APH1B: variants seen among roughly 807,000 people sequenced by gnomAD.
APH1B encodes the protein gamma-secretase subunit APH-1B.
A neutral mutation model predicts 28.2 loss-of-function variants in APH1B; 27 were observed. The ratio of observed to expected loss-of-function variants is 0.96; its 90% CI spans 0.70 to 1.32. The LOEUF (loss-of-function observed/expected upper bound fraction) is 1.32. Ranked by LOEUF, APH1B falls within the 40% of genes most tolerant of loss-of-function variation. The pLI, the probability that APH1B is intolerant of heterozygous loss-of-function variation, is 0.00. For missense variants in APH1B, 305 were observed against 313.6 expected, an observed-to-expected ratio of 0.97 and a Z score of 0.21; for synonymous variants, 141 against 124.6, an observed-to-expected ratio of 1.13 and a Z score of -0.88.
At chr15:63,295,859 A>T (rs1178197220) in intron 4 of APH1B, among the ~76,000 whole-genome samples, 2 of 152,246 alleles carry the variant, frequency 1.3e-5, no homozygotes, top group Non-Finnish European at 2.9e-5. Flanking sequence ...ATTTTGGACC[A>T]TGTGGGTTAT....
rs1231700695 is a variant in APH1B at position 63,307,067 on chromosome 15, T to C, written c.*1286T>C. The stretch of plus-strand genomic sequence containing the variant: ...TCCCAGTTGATGTCTTTTGGGGAGC[T>C]GGTGGCATGAAATGCAAATGACCTA... On this transcript the variant is annotated 3_prime_UTR_variant, in exon 6 of 6. Coordinates refer to ENST00000261879, the MANE Select transcript of APH1B (RefSeq NM_031301.4). 6.6e-6 allele frequency: 1 copy of C among 152,182 alleles called. No homozygotes were observed. Among genetic ancestry groups the C allele is most frequent in the Non-Finnish European group, 1.5e-5 (1 of 68,038 alleles). The allele number at this position is 152,182 out of a possible 1,614,324, so 9.4% of individuals were successfully genotyped here. A position where few individuals can be genotyped will look rare whatever the true frequency, so the allele number is the denominator to read the frequency against.
rs531658577 is a variant in APH1B at position 63,287,273 on chromosome 15, G to C, written c.356-151G>C. 1.5e-3 allele frequency: 1,461 copies of C among 978,318 alleles called. 1 individual carries two copies. The highest frequency in any genetic ancestry group is 2.0e-3 in the Non-Finnish European group (1,375 of 673,326). The allele number at this position is 978,318 out of a possible 1,614,324, so 60.6% of individuals were successfully genotyped here. On this transcript the variant is annotated intron_variant, in intron 3 of 5. Coordinates refer to ENST00000261879, the MANE Select transcript of APH1B (RefSeq NM_031301.4). Reference sequence around the variant, plus strand: ...CCTCTCTGATTCATCATTTAGCCAAGCACATGCCTCTCCAGAGCCAGCTGT... The same window carrying C: ...CCTCTCTGATTCATCATTTAGCCAACCACATGCCTCTCCAGAGCCAGCTGT...
chr15:63,279,278 T>C lies in APH1B; in HGVS notation c.231T>C (p.Phe77=). The C allele has an allele frequency of 1.9e-6, 3 of 1,612,452 alleles. No homozygotes were observed. The highest frequency in any genetic ancestry group is 2.5e-6 in the Non-Finnish European group (3 of 1,178,748). The change falls in exon 2 of 6, where the codon TTT becomes TTC. Residue 77 remains phenylalanine (F), a synonymous_variant. Coordinates refer to ENST00000261879, the MANE Select transcript of APH1B (RefSeq NM_031301.4). ...AATATCTGCTGATCTTTGGAGCGTT[T>C]GTCTCTGTCTATATCCAAGAAATGT... ...TQKYLLIFGA[F]VSVYIQEMFR...
At chr15:63,281,172 C>G (rs1430699445) in intron 2 of APH1B, among the ~76,000 whole-genome samples, 1 of 151,970 alleles carries the variant, frequency 6.6e-6, no homozygotes, top group Non-Finnish European at 1.5e-5. Context: ...AAACTCCCTT[C>G]TGACCGCTGC....
At position 63,305,658 on chromosome 15, in the gene APH1B, T is replaced by A. The variant is rs1047552; in HGVS notation, c.651T>A (p.Phe217Leu). Residue 217 changes from phenylalanine (F) to leucine (L), a missense_variant, in exon 6 of 6, where the codon TTT becomes TTA. By Grantham distance (22) the Phe-to-Leu change is conservative (BLOSUM62 0). Transcript: ENST00000261879. ...SYYGINLASAFIILVLMGTWA... is the reference protein window; with the variant it reads ...SYYGINLASALIILVLMGTWA... ...ATGGAATAAACCTGGCGTCAGCATT[T>A]ATAATCCTGGTGCTCATGGGCACCT... 6.2e-6 allele frequency: 10 copies of A among 1,614,190 alleles called. No homozygotes were observed. In the East Asian group the frequency reaches 2.2e-4, roughly 36 times the overall value.
At position 63,304,618 on chromosome 15, in the gene APH1B, C is replaced by G. The variant is rs2038667305; in HGVS notation, c.607-996C>G. Among the ~76,000 whole-genome samples the G allele has an allele frequency of 6.6e-6, 1 of 152,040 alleles. No homozygotes were observed. The highest frequency in any genetic ancestry group is 2.4e-5 in the African/African-American group (1 of 41,408). On this transcript the variant is annotated intron_variant, in intron 5 of 5. Coordinates refer to ENST00000261879, the MANE Select transcript of APH1B (RefSeq NM_031301.4). The surrounding 1 kb of genome is among the most constrained non-coding windows in gnomAD (Gnocchi z 5.1). ...ATCAGTTTTTCTCTTTATGGTTTCA[C>G]TTTTTGAGCTTTTTAATAAATATTA...
At chr15:63,284,353 A>G (rs997774268) in intron 2 of APH1B, among the ~76,000 whole-genome samples, 1 of 151,762 alleles carries the variant, frequency 6.6e-6, no homozygotes, top group Admixed American at 6.6e-5. Flanking sequence ...AGCTGGGACT[A>G]TGGGCACACA....
intron 4 of APH1B, chr15:63,291,611 A>G (rs2038507639): frequency 6.6e-6 from 1 of 152,232 alleles, no homozygotes; most frequent in African/African-American, 2.4e-5. Flanking sequence ...ATATGACTGA[A>G]GAAAGAAAAA....
At chr15:63,293,069 C>G (rs1431309227) in intron 4 of APH1B, among the ~76,000 whole-genome samples, 1 of 152,224 alleles carries the variant, frequency 6.6e-6, no homozygotes, top group Non-Finnish European at 1.5e-5. Context: ...TCTCCATTCT[C>G]TATAGACCTT....
rs756180511 is a variant in APH1B, at chr15:63,277,714, C to A, written c.91C>A (p.Arg31Ser). The A allele has an allele frequency of 6.2e-7, 1 of 1,611,024 alleles. No homozygotes were observed. Among genetic ancestry groups the A allele is most frequent in the African/African-American group, 1.3e-5 (1 of 74,580 alleles). Residue 31 changes from arginine (R) to serine (S), a missense_variant, in exon 1 of 6, where the codon CGT (arginine) becomes AGT (serine). By Grantham distance (110) the Arg-to-Ser change is moderately radical. Coordinates refer to ENST00000261879, the MANE Select transcript of APH1B (RefSeq NM_031301.4). Reference protein sequence around the residue: ...YVFTIATEPLRIIFLIAGAFF... With the variant: ...YVFTIATEPLSIIFLIAGAFF... ...CTTCACCATCGCCACCGAGCCGTTG[C>A]GTATCATCTTCCTCATCGCCGGGTG...
At chr15:63,283,979 T>G (rs1173322937) in intron 2 of APH1B, among the ~76,000 whole-genome samples, 3 of 152,212 alleles carry the variant, frequency 2.0e-5, no homozygotes, top group Non-Finnish European at 4.4e-5. Context: ...TGCACTCTTG[T>G]TGAAAATCGG....
chr15:63,301,898 A>G (rs1251670225), intron 4 of APH1B, among the ~76,000 whole-genome samples: 1 of 152,272 alleles, frequency 6.6e-6, no homozygotes, highest in Non-Finnish European at 1.5e-5. Context: ...GGCATGAGCC[A>G]GAGCGCCTGG....
At chr15:63,283,309 A>C (rs991524519) in intron 2 of APH1B, among the ~76,000 whole-genome samples, 2 of 152,152 alleles carry the variant, frequency 1.3e-5, no homozygotes, top group African/African-American at 4.8e-5. Context: ...GCTCACTGCA[A>C]CTTCCGCCTC....
intron 1 of APH1B, 78 bp from the exon 2 acceptor site, chr15:63,279,080 GTTT>G: frequency 8.5e-6 from 8 of 943,628 alleles, no homozygotes; most frequent in Non-Finnish European, 1.2e-5. Flanking sequence ...TCTCAAGCAG[GTTT>G]TTTTTTTTTT....
intron 4 of APH1B, among the ~76,000 whole-genome samples, chr15:63,293,414 G>A (rs2038526588): frequency 6.6e-6 from 1 of 151,938 alleles, no homozygotes; most frequent in Non-Finnish European, 1.5e-5. Context: ...TGATCTGCCT[G>A]CCTCAGCCGC....
chr15:63,287,662 C>A (rs940819762), intron 4 of APH1B, 116 bp downstream of exon 4: 3 of 1,323,912 alleles, frequency 2.3e-6, no homozygotes, highest in Non-Finnish European at 3.1e-6. Context: ...CTTTTAAAGG[C>A]GAAATACTCT....
intron 4 of APH1B, among the ~76,000 whole-genome samples, chr15:63,300,037 G>T (rs2038608966): frequency 6.6e-6 from 1 of 152,114 alleles, no homozygotes; most frequent in Non-Finnish European, 1.5e-5. Flanking sequence ...AAATGGCAGG[G>T]ATTTTCTTTC....
At chr15:63,300,889 T>C (rs1390688875) in intron 4 of APH1B, among the ~76,000 whole-genome samples, 1 of 152,242 alleles carries the variant, frequency 6.6e-6, no homozygotes, top group East Asian at 1.9e-4. Flanking sequence ...GACCATATAG[T>C]ATTCCATTGT....
intron 2 of APH1B, among the ~76,000 whole-genome samples, chr15:63,285,144 T>C (rs2038432355): frequency 6.6e-6 from 1 of 152,228 alleles, no homozygotes; most frequent in South Asian, 2.1e-4. Flanking sequence ...ATTGTTTCTT[T>C]TGAGTCTAGA....
Sources: gnomAD v4.1 joint callset for allele counts (sites outside exome capture counted in the v4.1 genomes callset) on GRCh38, gnomAD v4.1.1 for gene constraint, Gnocchi (gnomAD v3.1) non-coding constraint, MANE v1.5 for transcripts, NCBI Gene and HGNC (gene_info 2026-07-23, HGNC 2026-07-21) for gene names.